The following GRID1 variants were observed in gnomAD, a reference collection of about 807,000 sequenced individuals.
GRID1 encodes the protein glutamate receptor ionotropic, delta-1.
GRID1 carries 28 observed loss-of-function variants against 98.0 expected under a neutral mutation model. The observed-to-expected ratio is 0.29, with a 90% CI of 0.21 to 0.39. GRID1 has a LOEUF of 0.39. Among genes scored for constraint, GRID1 ranks in the 10% least tolerant of loss-of-function variants. The probability of loss-of-function intolerance (pLI) is 1.00; values close to 1 mark genes in which losing one functional copy is unlikely to be tolerated. For synonymous variants in GRID1, 553 were observed against 538.5 expected (o/e 1.03, Z -0.37); for missense variants, 1,111 against 1,340.5 (o/e 0.83, Z 2.67).
intron 8 of GRID1, among the ~76,000 whole-genome samples, chr10:85,783,354 T>C (rs1029379683): frequency 3.8e-4 from 58 of 152,272 alleles, no homozygotes; most frequent in African/African-American, 1.4e-3. Context: ...AAGGCGCTAC[T>C]CTCTGACAGA....
chr10:86,137,138 T>C (rs2131970726), intron 4 of GRID1, among the ~76,000 whole-genome samples: 1 of 152,322 alleles, frequency 6.6e-6, no homozygotes, highest in East Asian at 1.9e-4. Context: ...CAGTCTTAGT[T>C]ATGTGTTAAA....
chr10:85,824,459 G>A (rs546714488), intron 8 of GRID1, among the ~76,000 whole-genome samples: 9 of 152,296 alleles, frequency 5.9e-5, no homozygotes, highest in Admixed American at 2.0e-4. Flanking sequence ...TGATCTGCCC[G>A]CCTTGGCCTC....
At chr10:85,619,806 C>A in intron 14 of GRID1, 61 bp downstream of exon 14, 2 of 1,328,158 alleles carry the variant, frequency 1.5e-6, no homozygotes, top group South Asian at 1.2e-5. Context: ...AGAGGTTATT[C>A]TCCTACCCTT....
At chr10:85,698,765 A>G (rs1841420914) in intron 12 of GRID1, among the ~76,000 whole-genome samples, 1 of 152,248 alleles carries the variant, frequency 6.6e-6, no homozygotes, top group South Asian at 2.1e-4. Context: ...TGGCCATAAC[A>G]GCAATGAATA....
At chr10:86,291,280 C>A (rs1847508852) in intron 2 of GRID1, among the ~76,000 whole-genome samples, 1 of 152,198 alleles carries the variant, frequency 6.6e-6, no homozygotes, top group Admixed American at 6.5e-5. Context: ...CACTTTCCAT[C>A]CCCATTGACC....
At chr10:86,026,204 A>T (rs1187330374) in intron 4 of GRID1, among the ~76,000 whole-genome samples, 5 of 152,210 alleles carry the variant, frequency 3.3e-5, no homozygotes, top group Admixed American at 3.3e-4. Flanking sequence ...GCCACACCAC[A>T]AACTATTTGC....
chr10:85,692,359 A>AGT (rs1449947591), intron 12 of GRID1, among the ~76,000 whole-genome samples: 1 of 152,192 alleles, frequency 6.6e-6, no homozygotes, highest in Non-Finnish European at 1.5e-5. Context: ...AAATAAGTTC[A>AGT]GTGATAGAAA....
intron 12 of GRID1, among the ~76,000 whole-genome samples, chr10:85,657,965 C>A (rs547634927): frequency 6.6e-6 from 1 of 152,220 alleles, no homozygotes; most frequent in Admixed American, 6.5e-5. Context: ...GCTCTCAACA[C>A]CCGCAAATAT....
At chr10:85,694,429 C>T (rs897713423) in intron 12 of GRID1, among the ~76,000 whole-genome samples, 4 of 151,180 alleles carry the variant, frequency 2.6e-5, no homozygotes, top group Non-Finnish European at 4.4e-5. Context: ...ATCTAACCAA[C>T]GGAAAACAAA....
intron 4 of GRID1, among the ~76,000 whole-genome samples, chr10:86,014,998 A>G (rs531522340): frequency 3.9e-5 from 6 of 152,324 alleles, no homozygotes; most frequent in African/African-American, 1.4e-4. Context: ...TTTTCGCTCA[A>G]ATGCCCACTT....
At chr10:85,736,663 T>C (rs1841886702) in intron 8 of GRID1, among the ~76,000 whole-genome samples, 1 of 152,172 alleles carries the variant, frequency 6.6e-6, no homozygotes, top group East Asian at 1.9e-4. Flanking sequence ...GGGTTTTTTT[T>C]CTTTGTTTAC....
intron 13 of GRID1, among the ~76,000 whole-genome samples, chr10:85,630,889 C>A (rs1376370567): frequency 6.6e-6 from 1 of 152,130 alleles, no homozygotes; most frequent in African/African-American, 2.4e-5. Flanking sequence ...AATTTCTGAT[C>A]TTCTCTTGAA....
At chr10:86,351,009 G>A (rs1848454506) in intron 2 of GRID1, among the ~76,000 whole-genome samples, 2 of 152,152 alleles carry the variant, frequency 1.3e-5, no homozygotes, top group Non-Finnish European at 2.9e-5. Flanking sequence ...AGTTCAATGT[G>A]TTTAGCTCCC....
chr10:85,728,971 G>C (rs1841792464), intron 9 of GRID1, among the ~76,000 whole-genome samples: 2 of 152,144 alleles, frequency 1.3e-5, no homozygotes, highest in Admixed American at 1.3e-4. Flanking sequence ...TGTGAAAAAA[G>C]CAATTGAAAG....
rs551599519 is a variant in GRID1 at position 86,195,623 on chromosome 10, T to A, written c.520+10741A>T. 6.6e-6 allele frequency among the ~76,000 whole-genome samples: 1 copy of A among 152,018 alleles called. No homozygotes were observed. The highest frequency in any genetic ancestry group is 2.4e-5 in the African/African-American group (1 of 41,392). On this transcript the variant is annotated intron_variant, in intron 3 of 15. Coordinates refer to ENST00000327946, the MANE Select transcript of GRID1 (RefSeq NM_017551.3). This position sits in a 1 kb window ranked among gnomAD's most constrained non-coding sequence, Gnocchi z 4.4. ...TGCAGCCTCCTACCCTGGCTGGGGG[T>A]TGGCAGCAAACAAGCCCCCGCGGCG...
At chr10:85,708,296 C>G (rs1202921286) in intron 12 of GRID1, among the ~76,000 whole-genome samples, 1 of 151,154 alleles carries the variant, frequency 6.6e-6, no homozygotes, top group South Asian at 2.1e-4. Flanking sequence ...CCTAGCTACT[C>G]GGGAGGCTGA....
chr10:86,163,644 G>T (rs1845355334), intron 3 of GRID1, among the ~76,000 whole-genome samples: 1 of 152,138 alleles, frequency 6.6e-6, no homozygotes, highest in Non-Finnish European at 1.5e-5. Flanking sequence ...GCGGTCAGAG[G>T]CTGAGACTTT....
chr10:86,272,972 T>C (rs1042583185), intron 2 of GRID1, among the ~76,000 whole-genome samples: 1 of 152,330 alleles, frequency 6.6e-6, no homozygotes. Flanking sequence ...GCAGGTTAGC[T>C]ACATATGTAT....
At chr10:85,695,875 T>C (rs1265860870) in intron 12 of GRID1, among the ~76,000 whole-genome samples, 2 of 152,178 alleles carry the variant, frequency 1.3e-5, no homozygotes, top group Non-Finnish European at 2.9e-5. Flanking sequence ...TCAGAATTTA[T>C]AAGAGACATT....
Sources: allele counts gnomAD v4.1 joint callset (sites outside exome capture counted in the v4.1 genomes callset), GRCh38; gene constraint gnomAD v4.1.1; non-coding constraint Gnocchi (gnomAD v3.1); transcripts MANE v1.5; gene names NCBI Gene and HGNC (gene_info 2026-07-23, HGNC 2026-07-21).